The following TBL1Y variants were observed in gnomAD, a reference collection of about 807,000 sequenced individuals.
TBL1Y encodes F-box-like/WD repeat-containing protein TBL1Y.
A neutral mutation model predicts 12.0 loss-of-function variants in TBL1Y; 15 were observed. The ratio of observed to expected loss-of-function variants is 1.25; its 90% CI spans 0.83 to 1.92. TBL1Y has a LOEUF of 1.92. Ranked by LOEUF, TBL1Y falls within the 40% of genes most tolerant of loss-of-function variation. TBL1Y has a pLI of 0.00. For synonymous variants in TBL1Y, 53 were observed against 42.6 expected (o/e 1.24, Z -0.95); for missense variants, 148 against 116.7 (o/e 1.27, Z -1.24).
intron 4 of TBL1Y, among the ~76,000 whole-genome samples, chrY:6,997,610 G>A: frequency 3.0e-5 from 1 of 33,432 alleles, no homozygotes; most frequent in East Asian, 7.9e-4. Context: ...TGGTTTCTAT[G>A]GCTGCATGAA....
At chrY:6,913,989 C>T in intron 2 of TBL1Y, among the ~76,000 whole-genome samples, 1 of 33,088 alleles carries the variant, frequency 3.0e-5, no homozygotes, top group Non-Finnish European at 7.4e-5. Flanking sequence ...ATTTCATGTA[C>T]TGTGGGGCTG....
chrY:7,064,709 G>C (rs953039588), intron 8 of TBL1Y, among the ~76,000 whole-genome samples: 7 of 33,437 alleles, frequency 2.1e-4, no homozygotes, highest in Non-Finnish European at 5.2e-4. Flanking sequence ...TAAACCCATA[G>C]AGAAGCCACT....
chrY:7,062,720 A>C (rs1007542125), intron 7 of TBL1Y, among the ~76,000 whole-genome samples: 18 of 33,008 alleles, frequency 5.5e-4, no homozygotes, highest in African/African-American at 2.1e-3. Context: ...CCCCACTGGA[A>C]ATTTCTTGTG....
At chrY:6,980,867 C>T in intron 3 of TBL1Y, among the ~76,000 whole-genome samples, 3 of 33,429 alleles carry the variant, frequency 9.0e-5, no homozygotes, top group African/African-American at 3.5e-4. Context: ...CAGCCACTAG[C>T]GGCATGTGAC....
chrY:7,080,403 T>C, intron 13 of TBL1Y, among the ~76,000 whole-genome samples: 1 of 32,865 alleles, frequency 3.0e-5, no homozygotes, highest in Non-Finnish European at 7.5e-5. Flanking sequence ...GCTTGGACCA[T>C]GTAGGGAGAC....
chrY:7,090,799 C>A (rs1603052931), intron 18 of TBL1Y, among the ~76,000 whole-genome samples: 1 of 33,917 alleles, frequency 2.9e-5, no homozygotes, highest in East Asian at 7.9e-4. Context: ...TCTTATGGGA[C>A]TACCGTGTTC....
chrY:7,050,238 A>G (rs2012788902), intron 7 of TBL1Y, among the ~76,000 whole-genome samples: 2 of 32,891 alleles, frequency 6.1e-5, no homozygotes, highest in Non-Finnish European at 1.5e-4. Flanking sequence ...GCTCACGCCT[A>G]TAATTCCAGC....
Position 6,978,558 on chromosome Y carries a change from G to T in TBL1Y, c.-235+315G>T, listed in dbSNP as rs764821566. ...TAATTAGGATTCTTTTCTACCTCAT[G>T]ATGCAGTATGTTATCCGTGAACAAA... On this transcript the variant is annotated intron_variant, in intron 3 of 18. Coordinates refer to ENST00000383032, the MANE Select transcript of TBL1Y (RefSeq NM_033284.2). Among the ~76,000 whole-genome samples, 3 of 34,094 alleles carry T rather than the reference G, an allele frequency of 8.8e-5. No homozygotes were observed. The Middle Eastern group carries it at 0.042, about 474-fold the overall frequency. The allele number at this position is 34,094 out of a possible 37,273, so 91.5% of individuals were successfully genotyped here.
Position 7,063,918 on chromosome Y carries a change from C to G in TBL1Y, c.226C>G (p.Arg76Gly). The G allele has an allele frequency of 1.3e-5, 5 of 395,469 alleles. No homozygotes were observed. Among genetic ancestry groups the G allele is most frequent in the Non-Finnish European group, 1.8e-5 (5 of 282,808 alleles). Residue 76 changes from arginine to glycine, a missense_variant, in exon 8 of 19, where the codon CGC (arginine) becomes GGC (glycine). Arg to Gly is a moderately radical substitution (Grantham distance 125). Coordinates refer to ENST00000383032, the MANE Select transcript of TBL1Y (RefSeq NM_033284.2). The part of the protein sequence containing the change: ...INKDGTVFDS[R>G]PIESLSLIVA... ...CCAGGATGGCACAGTGTTCGACAGC[C>G]GCCCTATAGAGTCCCTGTCCCTGAT... is the stretch of plus-strand genomic sequence containing the variant.
chrY:6,950,534 T>C (rs771680493), intron 2 of TBL1Y, among the ~76,000 whole-genome samples: 1 of 33,351 alleles, frequency 3.0e-5, no homozygotes, highest in East Asian at 7.7e-4. Flanking sequence ...TAAGTTCTAA[T>C]TGGGACAGAA....
chrY:6,970,850 T>A, intron 2 of TBL1Y, among the ~76,000 whole-genome samples: 1 of 34,406 alleles, frequency 2.9e-5, no homozygotes, highest in Non-Finnish European at 7.2e-5. Flanking sequence ...CAGTCCCCTA[T>A]AAGGCAATGA....
chrY:6,917,332 C>G (rs2011741242), intron 2 of TBL1Y, among the ~76,000 whole-genome samples: 1 of 33,816 alleles, frequency 3.0e-5, no homozygotes, highest in Non-Finnish European at 7.3e-5. Context: ...ACAGTTTCAT[C>G]CTGAAACCAT....
intron 7 of TBL1Y, among the ~76,000 whole-genome samples, chrY:7,062,657 G>A: frequency 3.0e-5 from 1 of 32,856 alleles, no homozygotes; most frequent in African/African-American, 1.2e-4. Context: ...TTTGGGGTGA[G>A]GCTCAATTTC....
chrY:6,992,145 G>A (rs2012370858), intron 3 of TBL1Y, among the ~76,000 whole-genome samples: 3 of 33,875 alleles, frequency 8.9e-5, no homozygotes, highest in Admixed American at 2.6e-4. Context: ...CCCAAGCCAT[G>A]TGCGTAAGTT....
intron 12 of TBL1Y, among the ~76,000 whole-genome samples, chrY:7,073,172 A>G: frequency 3.0e-5 from 1 of 33,597 alleles, no homozygotes; most frequent in Non-Finnish European, 7.3e-5. Flanking sequence ...AGAAGTCATA[A>G]TTGCATTTGT....
intron 3 of TBL1Y, among the ~76,000 whole-genome samples, chrY:6,991,190 A>T: frequency 3.0e-5 from 1 of 33,841 alleles, no homozygotes; most frequent in Admixed American, 2.7e-4. Flanking sequence ...GGAAATATTT[A>T]TACCCAGAAG....
intron 13 of TBL1Y, 140 bp from the exon 14 acceptor site, chrY:7,080,592 G>T: frequency 4.0e-6 from 1 of 251,354 alleles, no homozygotes; most frequent in Non-Finnish European, 5.9e-6. Flanking sequence ...ACTCCAGCCT[G>T]GGTGACAGAG....
intron 2 of TBL1Y, among the ~76,000 whole-genome samples, chrY:6,975,037 G>T: frequency 3.0e-5 from 1 of 33,291 alleles, no homozygotes; most frequent in Non-Finnish European, 7.4e-5. Flanking sequence ...TTTGGTTTAC[G>T]TAGCTAGACT....
intron 4 of TBL1Y, among the ~76,000 whole-genome samples, chrY:7,014,890 T>A (rs751713785): frequency 9.8e-3 from 325 of 33,265 alleles, no homozygotes; most frequent in Admixed American, 0.06. Flanking sequence ...CACCTCCCCA[T>A]ACCCATTTTC....
Sources: allele counts gnomAD v4.1 joint callset (sites outside exome capture counted in the v4.1 genomes callset), GRCh38; gene constraint gnomAD v4.1.1; transcripts MANE v1.5; gene names NCBI Gene and HGNC (gene_info 2026-07-23, HGNC 2026-07-21).